Variants in CNTNAP2 observed in about 807,000 individuals in gnomAD.
CNTNAP2 encodes the protein contactin-associated protein-like 2.
Under a neutral mutation model 155.2 loss-of-function variants are expected in CNTNAP2, and 98 were observed. That is an observed-to-expected ratio of 0.63 (90% CI 0.54 to 0.75). CNTNAP2 has a LOEUF of 0.75. CNTNAP2 is among the 30% of genes least tolerant of loss of function. CNTNAP2 has a pLI of 0.00. For synonymous variants in CNTNAP2, 651 were observed against 631.2 expected, an observed-to-expected ratio of 1.03 and a Z score of -0.47; for missense variants, 1,727 against 1,688.1, an observed-to-expected ratio of 1.02 and a Z score of -0.40.
At chr7:147,748,665 C>A (rs1394789513) in intron 13 of CNTNAP2, among the ~76,000 whole-genome samples, 3 of 152,124 alleles carry the variant, frequency 2.0e-5, no homozygotes, top group Non-Finnish European at 2.9e-5. Flanking sequence ...AACATGTTAC[C>A]AGCATGCCTC....
At chr7:146,809,630 C>G (rs1803029372) in intron 2 of CNTNAP2, among the ~76,000 whole-genome samples, 1 of 151,822 alleles carries the variant, frequency 6.6e-6, no homozygotes, top group African/African-American at 2.4e-5. Context: ...TCCCATGGTA[C>G]TAGGATTATA....
At chr7:146,502,118 C>A (rs1797309150) in intron 1 of CNTNAP2, among the ~76,000 whole-genome samples, 1 of 150,830 alleles carries the variant, frequency 6.6e-6, no homozygotes, top group Non-Finnish European at 1.5e-5. Flanking sequence ...ATGTGCCTGG[C>A]CTATTTTATT....
intron 21 of CNTNAP2, among the ~76,000 whole-genome samples, chr7:148,276,855 A>G (rs1318769387): frequency 6.6e-6 from 1 of 152,240 alleles, no homozygotes; most frequent in Non-Finnish European, 1.5e-5. Context: ...TGCACATTGT[A>G]ATGCACAAAG....
intron 1 of CNTNAP2, among the ~76,000 whole-genome samples, chr7:146,219,764 A>G (rs969273821): frequency 6.6e-6 from 1 of 152,348 alleles, no homozygotes. Flanking sequence ...ACTGTGACCA[A>G]TAATGTCAGA....
intron 3 of CNTNAP2, among the ~76,000 whole-genome samples, chr7:147,033,172 A>ATATATATATATATATG (rs1563051501): frequency 2.1e-5 from 1 of 46,598 alleles, no homozygotes; most frequent in African/African-American, 8.4e-5. Flanking sequence ...ATATATATAT[A>ATATATATATATATATG]TATATATATA....
intron 1 of CNTNAP2, among the ~76,000 whole-genome samples, chr7:146,346,748 A>G (rs1794823747): frequency 2.0e-5 from 3 of 151,970 alleles, no homozygotes; most frequent in Admixed American, 2.0e-4. Context: ...GAATCTAACT[A>G]ATGCCTGATG....
At chr7:148,324,596 G>A (rs553232774) in intron 21 of CNTNAP2, among the ~76,000 whole-genome samples, 2 of 151,928 alleles carry the variant, frequency 1.3e-5, no homozygotes, top group Non-Finnish European at 2.9e-5. Flanking sequence ...TCAGGAGTTC[G>A]AGACCAGCCT....
intron 3 of CNTNAP2, among the ~76,000 whole-genome samples, chr7:146,947,878 CA>C (rs1241209072): frequency 2.0e-5 from 3 of 151,894 alleles, no homozygotes; most frequent in African/African-American, 7.3e-5. Flanking sequence ...TGCCCTGCAG[CA>C]TGAATGACAA....
intron 1 of CNTNAP2, among the ~76,000 whole-genome samples, chr7:146,773,822 T>C (rs188721710): frequency 6.6e-6 from 1 of 152,378 alleles, no homozygotes; most frequent in Admixed American, 6.5e-5. Flanking sequence ...TGAAATTTTA[T>C]ACGTGTTGGT....
intron 17 of CNTNAP2, among the ~76,000 whole-genome samples, chr7:148,167,081 G>A (rs915367688): frequency 2.0e-5 from 3 of 152,190 alleles, no homozygotes; most frequent in Non-Finnish European, 2.9e-5. Flanking sequence ...TATAGAGCGA[G>A]AAATGGCATT....
intron 1 of CNTNAP2, among the ~76,000 whole-genome samples, chr7:146,324,224 T>TA (rs770858696): frequency 2.0e-4 from 31 of 152,106 alleles, no homozygotes; most frequent in Non-Finnish European, 3.8e-4. Context: ...ATGGAACGAT[T>TA]ACACTTCAGC....
chr7:147,981,819 T>TGTGTGTGTGTGTGTGG (rs1404450002), intron 15 of CNTNAP2, among the ~76,000 whole-genome samples: 2 of 113,678 alleles, frequency 1.8e-5, no homozygotes, highest in Non-Finnish European at 2.0e-5. Flanking sequence ...GTGTGTGTGG[T>TGTGTGTGTGTGTGTGG]TTTTTTTTTC....
chr7:147,370,655 T>G (rs751337412), intron 9 of CNTNAP2, among the ~76,000 whole-genome samples: 1 of 152,158 alleles, frequency 6.6e-6, no homozygotes, highest in African/African-American at 2.4e-5. Flanking sequence ...ATATGCCTAA[T>G]AGATACCCAA....
At chr7:147,172,573 C>T (rs1159749526) in intron 8 of CNTNAP2, among the ~76,000 whole-genome samples, 1 of 151,904 alleles carries the variant, frequency 6.6e-6, no homozygotes, top group African/African-American at 2.4e-5. Flanking sequence ...TATAATTTCT[C>T]AATTCATGTT....
chr7:146,359,658 G>T (rs187884935), intron 1 of CNTNAP2, among the ~76,000 whole-genome samples: 548 of 152,098 alleles, frequency 3.6e-3, no homozygotes, highest in Non-Finnish European at 6.1e-3. Context: ...AAAATATTCT[G>T]GAATTATAGG....
At chr7:147,357,652 C>T (rs1223551898) in intron 9 of CNTNAP2, among the ~76,000 whole-genome samples, 1 of 152,128 alleles carries the variant, frequency 6.6e-6, no homozygotes, top group African/African-American at 2.4e-5. Flanking sequence ...GACTTACTCT[C>T]CTGGACACGA....
intron 1 of CNTNAP2, among the ~76,000 whole-genome samples, chr7:146,254,430 C>T (rs1383580540): frequency 2.0e-5 from 3 of 152,090 alleles, no homozygotes; most frequent in South Asian, 4.1e-4. Flanking sequence ...TCATACAGAT[C>T]GTACCCAAGT....
chr7:147,163,297 G>T (rs1395263959), intron 8 of CNTNAP2, among the ~76,000 whole-genome samples: 1 of 151,980 alleles, frequency 6.6e-6, no homozygotes, highest in Admixed American at 6.6e-5. Flanking sequence ...CTCCTTAAAA[G>T]GTCTGAAAAA....
At chr7:147,793,400 T>A (rs1386106697) in intron 13 of CNTNAP2, among the ~76,000 whole-genome samples, 1 of 152,152 alleles carries the variant, frequency 6.6e-6, no homozygotes, top group East Asian at 1.9e-4. Flanking sequence ...TACTTTTGCA[T>A]GTGTATACCA....
Sources: allele counts gnomAD v4.1 joint callset (sites outside exome capture counted in the v4.1 genomes callset), GRCh38; gene constraint gnomAD v4.1.1; transcripts MANE v1.5; gene names NCBI Gene and HGNC (gene_info 2026-07-23, HGNC 2026-07-21).